PMM2: variants seen among roughly 807,000 people sequenced by gnomAD.
PMM2 encodes the protein phosphomannomutase 2.
PMM2 carries 35 observed loss-of-function variants against 33.2 expected under a neutral mutation model. That is an observed-to-expected ratio of 1.06 (90% CI 0.81 to 1.40). The LOEUF is 1.40. PMM2 is among the 40% of genes most tolerant of loss of function. The probability of loss-of-function intolerance (pLI) is 0.00; values close to 1 mark genes in which losing one functional copy is unlikely to be tolerated. For synonymous variants in PMM2, 153 were observed against 114.7 expected (o/e 1.33, Z -2.13); for missense variants, 386 against 306.0 (o/e 1.26, Z -1.95).
In PMM2 at chr16:8,838,149, G is replaced by A. The variant is rs987583747; in HGVS notation, c.640-9575G>A. 2.6e-5 allele frequency among the ~76,000 whole-genome samples: 4 copies of A among 151,998 alleles called. No homozygotes were observed. In the South Asian group the frequency reaches 8.3e-4, roughly 32 times the overall value. On this transcript the variant is annotated intron_variant, in intron 7 of 7. Coordinates refer to ENST00000268261, the MANE Select transcript of PMM2 (RefSeq NM_000303.3). ...GTGAAGTTAAGAGCAATGTTTTGTG[G>A]GCAGGAGTGGATCTCACAAAGTACA...
chr16:8,843,904 G>A lies in PMM2; in HGVS notation c.640-3820G>A, dbSNP rs527944489. Among the ~76,000 whole-genome samples the A allele has an allele frequency of 3.3e-3, 500 of 152,220 alleles. 2 individuals are homozygous for A. The highest frequency in any genetic ancestry group is 5.4e-3 in the Non-Finnish European group (366 of 68,026). On this transcript the variant is annotated intron_variant, in intron 7 of 7. Coordinates refer to ENST00000268261, the MANE Select transcript of PMM2 (RefSeq NM_000303.3). Reference sequence around the variant, plus strand: ...GTCAGATGGGTCTGTAGAAAAGGAAGATTAGAAAGACTCAGCAACGCTTGG... The same window carrying A: ...GTCAGATGGGTCTGTAGAAAAGGAAAATTAGAAAGACTCAGCAACGCTTGG...
chr16:8,839,006 A>G (rs534200901), intron 7 of PMM2, among the ~76,000 whole-genome samples: 2 of 152,096 alleles, frequency 1.3e-5, no homozygotes, highest in African/African-American at 4.8e-5. Flanking sequence ...AAAGTTTGTG[A>G]CATGTCTGTG....
At chr16:8,806,109 T>A (rs942717214) in intron 3 of PMM2, among the ~76,000 whole-genome samples, 2 of 152,220 alleles carry the variant, frequency 1.3e-5, no homozygotes, top group Non-Finnish European at 2.9e-5. Context: ...CAGAAAATGC[T>A]TTTGACTAAA....
intron 7 of PMM2, among the ~76,000 whole-genome samples, chr16:8,826,558 C>A (rs1010979279): frequency 6.6e-6 from 1 of 152,140 alleles, no homozygotes; most frequent in Admixed American, 6.5e-5. Context: ...CTAATTCAGA[C>A]CAAATGAAGA....
intron 1 of PMM2, among the ~76,000 whole-genome samples, chr16:8,800,489 T>A (rs929447278): frequency 6.6e-6 from 1 of 152,224 alleles, no homozygotes; most frequent in African/African-American, 2.4e-5. Context: ...TCTTAGTTTA[T>A]AACTTTTTTA....
chr16:8,818,647 C>CA (rs1247295195), intron 7 of PMM2, among the ~76,000 whole-genome samples: 1 of 152,192 alleles, frequency 6.6e-6, no homozygotes, highest in East Asian at 1.9e-4. Context: ...GCACAGCCTC[C>CA]AGGAGGCAGA....
chr16:8,829,021 A>T (rs370495369), intron 7 of PMM2, among the ~76,000 whole-genome samples: 39 of 152,264 alleles, frequency 2.6e-4, no homozygotes, highest in South Asian at 2.1e-3. Context: ...TCTATTGCCC[A>T]GGCTGGAGTG....
intron 7 of PMM2, among the ~76,000 whole-genome samples, chr16:8,827,232 T>G (rs577887525): frequency 6.6e-6 from 1 of 151,950 alleles, no homozygotes; most frequent in South Asian, 2.1e-4. Flanking sequence ...AGAAAGTACC[T>G]TAGGTCCTCT....
intron 7 of PMM2, among the ~76,000 whole-genome samples, chr16:8,845,240 AGT>A (rs1421172109): frequency 6.6e-6 from 1 of 152,156 alleles, no homozygotes; most frequent in Non-Finnish European, 1.5e-5. Context: ...CATCCTCAAG[AGT>A]GGGGAGAATT....
intron 2 of PMM2, among the ~76,000 whole-genome samples, chr16:8,804,197 C>A (rs1229963165): frequency 2.6e-5 from 4 of 151,402 alleles, no homozygotes; most frequent in African/African-American, 9.7e-5. Context: ...CACCACCATG[C>A]CTGGCTAATT....
At chr16:8,846,293 T>C (rs4387600) in intron 7 of PMM2, among the ~76,000 whole-genome samples, 3 of 152,212 alleles carry the variant, frequency 2.0e-5, no homozygotes, top group Non-Finnish European at 4.4e-5. Flanking sequence ...AGATTTTTGG[T>C]ACAAAATCAT....
At chr16:8,819,439 G>C (rs562928406) in intron 7 of PMM2, among the ~76,000 whole-genome samples, 2 of 152,292 alleles carry the variant, frequency 1.3e-5, no homozygotes, top group South Asian at 2.1e-4. Context: ...TACTGTGGGG[G>C]TGGGGAGGAC....
At chr16:8,826,211 A>C (rs1487464336) in intron 7 of PMM2, among the ~76,000 whole-genome samples, 1 of 152,250 alleles carries the variant, frequency 6.6e-6, no homozygotes, top group Non-Finnish European at 1.5e-5. Context: ...TCACAAACCT[A>C]CAATTTGCTT....
At chr16:8,799,374 G>A (rs1028507308) in intron 1 of PMM2, among the ~76,000 whole-genome samples, 7 of 152,080 alleles carry the variant, frequency 4.6e-5, no homozygotes, top group African/African-American at 1.7e-4. Flanking sequence ...AACACACTCA[G>A]TGAAGAACTA....
intron 7 of PMM2, among the ~76,000 whole-genome samples, chr16:8,818,778 CCA>C (rs1461454141): frequency 6.6e-6 from 1 of 152,182 alleles, no homozygotes; most frequent in Non-Finnish European, 1.5e-5. Context: ...GTCATTCTTC[CCA>C]TCAGCCACAA....
At chr16:8,818,880 A>G (rs959175320) in intron 7 of PMM2, among the ~76,000 whole-genome samples, 6 of 149,554 alleles carry the variant, frequency 4.0e-5, no homozygotes, top group Non-Finnish European at 8.8e-5. Flanking sequence ...AGAGAGAGAG[A>G]GACGGCAAGG....
chr16:8,827,889 G>GATATATA (rs2060784725), intron 7 of PMM2, among the ~76,000 whole-genome samples: 1 of 40,196 alleles, frequency 2.5e-5, no homozygotes, highest in Admixed American at 2.4e-4. Flanking sequence ...TATAATATAT[G>GATATATA]ATATATATGA....
At position 8,801,925 on chromosome 16, in the gene PMM2, G is replaced by A; in HGVS notation, c.178+15G>A. ...GGGAAATGATGGTAAATGATGGGTTGCTAATTACATCTGGTAAAAGATTAA... is the reference window on the plus strand; with the variant it reads ...GGGAAATGATGGTAAATGATGGGTTACTAATTACATCTGGTAAAAGATTAA... On this transcript the variant is annotated intron_variant, in intron 2 of 7. Transcript: ENST00000268261. The A allele has an allele frequency of 6.7e-7, 1 of 1,485,338 alleles. No individual in the cohort carries two copies. Among genetic ancestry groups the A allele is most frequent in the Non-Finnish European group, 9.4e-7 (1 of 1,065,240 alleles). The allele number at this position is 1,485,338 out of a possible 1,614,324, so 92.0% of individuals were successfully genotyped here.
intron 1 of PMM2, among the ~76,000 whole-genome samples, chr16:8,798,436 C>G (rs1266729603): frequency 6.6e-6 from 1 of 152,188 alleles, no homozygotes; most frequent in African/African-American, 2.4e-5. Context: ...TGAGCCTCAA[C>G]ATCTACAGCT....
Sources: allele counts gnomAD v4.1 joint callset (sites outside exome capture counted in the v4.1 genomes callset), GRCh38; gene constraint gnomAD v4.1.1; transcripts MANE v1.5; gene names NCBI Gene and HGNC (gene_info 2026-07-23, HGNC 2026-07-21).